The following TMPRSS15 variants were observed in gnomAD, a reference collection of about 807,000 sequenced individuals.
TMPRSS15 encodes transmembrane serine protease 15.
In TMPRSS15, 128 loss-of-function variants were observed where a neutral mutation model predicts 125.3. That is an observed-to-expected ratio of 1.02 (90% CI 0.89 to 1.18). TMPRSS15 has a LOEUF of 1.18. TMPRSS15 is among the 50% of genes most tolerant of loss of function. The probability of loss-of-function intolerance (pLI) is 0.00; values close to 1 mark genes in which losing one functional copy is unlikely to be tolerated. For synonymous variants in TMPRSS15, 446 were observed against 423.2 expected (o/e 1.05, Z -0.66); for missense variants, 1,283 against 1,212.7 (o/e 1.06, Z -0.86).
chr21:18,431,794 G>C (rs943657841), intron 1 of TMPRSS15, among the ~76,000 whole-genome samples: 4 of 151,990 alleles, frequency 2.6e-5, no homozygotes, highest in Non-Finnish European at 4.4e-5. Flanking sequence ...GATCAAAAAT[G>C]CCTACTAGAG....
chr21:18,278,611 CT>C (rs34807048), intron 23 of TMPRSS15, among the ~76,000 whole-genome samples: 145,240 of 152,130 alleles, frequency 0.95, 69,387 homozygotes, highest in East Asian at 1. Flanking sequence ...GTCCCAGCTA[CT>C]TTGGGAGGCT....
intron 16 of TMPRSS15, among the ~76,000 whole-genome samples, chr21:18,320,690 C>T (rs1322459888): frequency 1.3e-5 from 2 of 152,158 alleles, no homozygotes; most frequent in African/African-American, 2.4e-5. Context: ...GAAAACTGAT[C>T]TATTGTTACT....
chr21:18,299,546 T>C (rs1181417662), intron 18 of TMPRSS15, among the ~76,000 whole-genome samples: 1 of 152,242 alleles, frequency 6.6e-6, no homozygotes, highest in Non-Finnish European at 1.5e-5. Context: ...CGTTGATTCG[T>C]GAACATCACT....
At chr21:18,342,440 A>G (rs1444921048) in intron 12 of TMPRSS15, among the ~76,000 whole-genome samples, 1 of 152,236 alleles carries the variant, frequency 6.6e-6, no homozygotes, top group African/African-American at 2.4e-5. Flanking sequence ...TGACTTGCTC[A>G]TGATTTCACA....
chr21:18,378,149 A>G (rs2075861106), intron 5 of TMPRSS15, among the ~76,000 whole-genome samples: 2 of 152,130 alleles, frequency 1.3e-5, no homozygotes, highest in Admixed American at 6.6e-5. Flanking sequence ...TTAGGAGCAC[A>G]TTTTTCAAAA....
At chr21:18,297,689 C>T (rs2074921690) in intron 19 of TMPRSS15, 45 bp downstream of exon 19, 2 of 1,411,478 alleles carry the variant, frequency 1.4e-6, no homozygotes, top group Non-Finnish European at 2.0e-6. Flanking sequence ...CTATCTTCTG[C>T]CATGTCTATG....
At chr21:18,321,545 G>A (rs3787583) in intron 16 of TMPRSS15, among the ~76,000 whole-genome samples, 26,183 of 151,788 alleles carry the variant, frequency 0.17, 2,194 homozygotes, top group East Asian at 0.2. Flanking sequence ...GTAGAGACGG[G>A]GTTTCACCGT....
intron 1 of TMPRSS15, among the ~76,000 whole-genome samples, chr21:18,425,154 C>T (rs1055394028): frequency 6.6e-6 from 1 of 151,838 alleles, no homozygotes. Flanking sequence ...GGTGTGTCAA[C>T]ACCAAAATGT....
intron 1 of TMPRSS15, 88 bp from the exon 2 acceptor site, chr21:18,398,417 G>T: frequency 7.2e-7 from 1 of 1,392,306 alleles, no homozygotes; most frequent in South Asian, 1.2e-5. Context: ...TAGAAGTAAA[G>T]CTCTCGCCTG....
At chr21:18,278,889 C>A (rs2074653062) in intron 23 of TMPRSS15, 75 bp downstream of exon 23, 4 of 782,916 alleles carry the variant, frequency 5.1e-6, no homozygotes, top group South Asian at 4.8e-5. Context: ...AAAGCATTCA[C>A]AGGATATTAT....
rs1882128070 is a variant in TMPRSS15 at position 18,379,307 on chromosome 21, T to A, written c.508A>T (p.Thr170Ser). Residue 170 changes from threonine to serine, a missense_variant, in exon 5 of 25, where the codon ACC (threonine) becomes TCC (serine). Transcript: ENST00000284885. ...NSVDILDKLT[T>S]TSHLATPGNV... Reference sequence around the variant, plus strand: ...CCTGGAGTTGCCAGATGACTGGTGGTTGTTAGCTTGTCTGAAAAATAAATT... The same window carrying A: ...CCTGGAGTTGCCAGATGACTGGTGGATGTTAGCTTGTCTGAAAAATAAATT... 7.5e-7 allele frequency: 1 copy of A among 1,327,280 alleles called. No homozygotes were observed. The highest frequency in any genetic ancestry group is 9.9e-7 in the Non-Finnish European group (1 of 1,009,900). 82.2% of individuals were successfully genotyped at this position (1,327,280 alleles called of 1,614,324 possible). A position where few individuals can be genotyped will look rare whatever the true frequency, so the allele number is the denominator to read the frequency against.
intron 7 of TMPRSS15, among the ~76,000 whole-genome samples, chr21:18,360,599 T>A (rs1314826679): frequency 6.6e-6 from 1 of 152,162 alleles, no homozygotes; most frequent in Non-Finnish European, 1.5e-5. Flanking sequence ...GATCATTTGA[T>A]CATATATGTG....
chr21:18,350,535 A>G (rs2075556865), intron 10 of TMPRSS15, among the ~76,000 whole-genome samples: 1 of 152,060 alleles, frequency 6.6e-6, no homozygotes, highest in Non-Finnish European at 1.5e-5. Context: ...CTTTCAACAG[A>G]TCAGTCATGT....
chr21:18,455,620 A>G (rs1197809804), intron 1 of TMPRSS15, among the ~76,000 whole-genome samples: 1 of 152,128 alleles, frequency 6.6e-6, no homozygotes, highest in Admixed American at 6.6e-5. Context: ...AGAGGTTTTG[A>G]ACTTTGCTCT....
chr21:18,294,196 G>T (rs1365520960), intron 21 of TMPRSS15, 74 bp downstream of exon 21: 1 of 1,563,082 alleles, frequency 6.4e-7, no homozygotes. Context: ...TTGTGATGCT[G>T]CATGAAATGG....
chr21:18,302,163 C>T (rs543467059), intron 18 of TMPRSS15, among the ~76,000 whole-genome samples: 2 of 152,310 alleles, frequency 1.3e-5, no homozygotes, highest in African/African-American at 4.8e-5. Flanking sequence ...GCTGCAAATA[C>T]TGCAACTAGG....
At chr21:18,343,840 A>C in intron 11 of TMPRSS15, 115 bp downstream of exon 11, 1 of 1,183,144 alleles carries the variant, frequency 8.5e-7, no homozygotes, top group Non-Finnish European at 1.3e-6. Context: ...GAAAAGTAAT[A>C]GTATATGCAT....
chr21:18,378,910 A>G (rs2075867205), intron 5 of TMPRSS15, among the ~76,000 whole-genome samples: 1 of 152,140 alleles, frequency 6.6e-6, no homozygotes, highest in Non-Finnish European at 1.5e-5. Flanking sequence ...GGAGAAAGCA[A>G]GCATGTCTAA....
chr21:18,396,190 A>C (rs1006625040), intron 3 of TMPRSS15, among the ~76,000 whole-genome samples: 6 of 152,188 alleles, frequency 3.9e-5, no homozygotes, highest in Non-Finnish European at 8.8e-5. Flanking sequence ...TCTGTAGAAA[A>C]AGAGAAGTTT....
Sources: allele counts gnomAD v4.1 joint callset (sites outside exome capture counted in the v4.1 genomes callset), GRCh38; gene constraint gnomAD v4.1.1; transcripts MANE v1.5; gene names NCBI Gene and HGNC (gene_info 2026-07-23, HGNC 2026-07-21).